Variants in SERPINF2 observed in about 807,000 individuals in gnomAD.
SERPINF2 encodes alpha-2-antiplasmin.
A neutral mutation model predicts 45.0 loss-of-function variants in SERPINF2; 15 were observed. The ratio of observed to expected loss-of-function variants is 0.33; its 90% CI spans 0.22 to 0.51. SERPINF2 has a LOEUF of 0.51. SERPINF2 is among the 20% of genes least tolerant of loss of function. The pLI is 0.97. For missense variants in SERPINF2, 518 were observed against 637.4 expected (o/e 0.81, Z 2.02); for synonymous variants, 283 against 277.9 (o/e 1.02, Z -0.18).
rs1422199541 is a variant in SERPINF2 at position 1,754,424 on chromosome 17, T to A, written c.1366T>A (p.Phe456Ile). 3 of 1,612,766 alleles carry A rather than the reference T, an allele frequency of 1.9e-6. No individual in the cohort carries two copies. The highest frequency in any genetic ancestry group is 2.7e-5 in the African/African-American group (2 of 74,910). The change falls in exon 10 of 10, where the codon TTC (phenylalanine) becomes ATC (isoleucine). Residue 456 changes from phenylalanine (F) to isoleucine (I), a missense_variant. Transcript: ENST00000453066. The stretch of plus-strand genomic sequence containing the variant: ...GCAGGATTCCCCGGGCAACAAGGAC[T>A]TCCTCCAGAGCCTGAAAGGCTTCCC... ...EQQDSPGNKD[F>I]LQSLKGFPRG...
intron 1 of SERPINF2, among the ~76,000 whole-genome samples, chr17:1,743,429 G>A (rs1415661715): frequency 6.6e-6 from 1 of 152,200 alleles, no homozygotes; most frequent in East Asian, 1.9e-4. Flanking sequence ...AGAAAGACGG[G>A]TTGGGGCCAG....
In SERPINF2 at chr17:1,747,418, G is replaced by C; in HGVS notation, c.621G>C (p.Trp207Cys). The change falls in exon 7 of 10, where the codon TGG becomes TGC. Residue 207 changes from tryptophan (W) to cysteine (C), a missense_variant. By Grantham distance (215) the Trp-to-Cys change is radical. Transcript: ENST00000453066. ...ATGACCTGGCAAACATCAACCAATG[G>C]GTGAAGGAGGCCACGGAGGGGAAGA... The part of the protein sequence containing the change: ...QEDDLANINQ[W>C]VKEATEGKIQ... 6.2e-7 allele frequency: 1 copy of C among 1,614,192 alleles called. No individual in the cohort carries two copies. The highest frequency in any genetic ancestry group is 1.1e-5 in the South Asian group (1 of 91,088).
Position 1,754,321 on chromosome 17 carries a change from G to C in SERPINF2, c.1263G>C (p.Glu421Asp), listed in dbSNP as rs1310159441. 2.5e-6 allele frequency: 4 copies of C among 1,614,188 alleles called. No individual in the cohort carries two copies. The highest frequency in any genetic ancestry group is 1.3e-5 in the African/African-American group (1 of 75,050). Residue 421 changes from glutamate to aspartate, a missense_variant, in exon 10 of 10, where the codon GAG becomes GAC. Physicochemically the swap from Glu to Asp is conservative, Grantham distance 45. This residue lies in a region of SERPINF2 where 435 missense variants were observed against 577.3 expected (regional missense o/e 0.75). Transcript: ENST00000453066. ...VNRPFLFFIF[E>D]DTTGLPLFVG... ...GCCCCTTCCTCTTCTTCATCTTCGAGGACACCACAGGCCTTCCCCTCTTCG... is the reference window on the plus strand; with the variant it reads ...GCCCCTTCCTCTTCTTCATCTTCGACGACACCACAGGCCTTCCCCTCTTCG...
At position 1,747,497 on chromosome 17, in the gene SERPINF2, G is replaced by A. The variant is rs138097660; in HGVS notation, c.700G>A (p.Ala234Thr). The A allele has an allele frequency of 1.1e-5, 18 of 1,613,828 alleles. No individual in the cohort carries two copies. In the African/African-American group the frequency reaches 1.7e-4, roughly 16 times the overall value. ...PEDTVLLLLN[A>T]IHFQGFWRNK... ...AGACACCGTGTTGCTTCTCCTCAAC[G>A]CCATCCACTTCCAGGGTGCGCTCCT... Residue 234 changes from alanine (A) to threonine (T), a missense_variant, in exon 7 of 10, where the codon GCC (alanine) becomes ACC (threonine). By Grantham distance (58) the Ala-to-Thr change is moderately conservative (BLOSUM62 0). Transcript: ENST00000453066.
Position 1,745,594 on chromosome 17 carries a change from C to A in SERPINF2, c.166-114C>A. On this transcript the variant is annotated intron_variant, in intron 4 of 9. Transcript: ENST00000453066. The surrounding 1 kb of genome is among the most constrained non-coding windows in gnomAD (Gnocchi z 6.2). The stretch of plus-strand genomic sequence containing the variant: ...CCCTCCGTCTGACGCTCCCTCTTCC[C>A]TGGGGCTGGGACAAGGCCCTGCTGT... 1 of 1,264,826 alleles carries A rather than the reference C, an allele frequency of 7.9e-7. No individual in the cohort carries two copies. The highest frequency in any genetic ancestry group is 1.1e-6 in the Non-Finnish European group (1 of 890,126). The allele number at this position is 1,264,826 out of a possible 1,614,324, so 78.4% of individuals were successfully genotyped here.
At chr17:1,754,024 G>T (rs890849068) in intron 9 of SERPINF2, 98 bp from the exon 10 acceptor site, 16 of 1,409,574 alleles carry the variant, frequency 1.1e-5, no homozygotes, top group Non-Finnish European at 1.4e-5. Flanking sequence ...GTGAGTTCAA[G>T]CTGTTCCCTG....
In SERPINF2 at chr17:1,745,530, G is replaced by A; in HGVS notation, c.165+135G>A. The A allele has an allele frequency of 8.1e-7, 1 of 1,230,424 alleles. No individual in the cohort carries two copies. Among genetic ancestry groups the A allele is most frequent in the South Asian group, 1.3e-5 (1 of 78,774 alleles). The allele number at this position is 1,230,424 out of a possible 1,614,324, so 76.2% of individuals were successfully genotyped here. On this transcript the variant is annotated intron_variant, in intron 4 of 9. Transcript: ENST00000453066. This position sits in a 1 kb window ranked among gnomAD's most constrained non-coding sequence, Gnocchi z 6.2. ...GAGGCCAGAAGGGAGAGAGGGTGGG[G>A]AGGACCGAAGGTGGGCGCCAGGCCC...
Position 1,747,141 on chromosome 17 carries a change from G to A in SERPINF2, c.490G>A (p.Ala164Thr), listed in dbSNP as rs748253959. The A allele has an allele frequency of 3.7e-6, 6 of 1,612,090 alleles. No individual in the cohort carries two copies. Among genetic ancestry groups the A allele is most frequent in the Non-Finnish European group, 4.2e-6 (5 of 1,179,970 alleles). The change falls in exon 6 of 10, where the codon GCC becomes ACC. Residue 164 changes from alanine to threonine, a missense_variant. Physicochemically the swap from Ala to Thr is moderately conservative, Grantham distance 58. This residue lies in a region of SERPINF2 where 435 missense variants were observed against 577.3 expected (regional missense o/e 0.75). Coordinates refer to ENST00000453066, the MANE Select transcript of SERPINF2 (RefSeq NM_000934.4). ...GGGCCCCGGCGCGTTCCGACTGGCT[G>A]CCAGGATGTACCTGCAGAAAGGTAG... is the stretch of plus-strand genomic sequence containing the variant. ...DLGPGAFRLAARMYLQKGFPI... is the reference protein window; with the variant it reads ...DLGPGAFRLATRMYLQKGFPI...
intron 8 of SERPINF2, among the ~76,000 whole-genome samples, chr17:1,749,111 G>A (rs975359714): frequency 3.3e-5 from 5 of 152,210 alleles, no homozygotes; most frequent in African/African-American, 7.2e-5. Context: ...GCTGGGAAGC[G>A]CTGTGGAGGG....
chr17:1,744,802 G>C, intron 1 of SERPINF2, 190 bp from the exon 2 acceptor site: 1 of 985,452 alleles, frequency 1.0e-6, no homozygotes, highest in Non-Finnish European at 1.2e-6. Flanking sequence ...GAGAAGCCAG[G>C]GCGGATGTCC....
chr17:1,745,762 C>T lies in SERPINF2; in HGVS notation c.220C>T (p.Pro74Ser), dbSNP rs774700863. The T allele has an allele frequency of 1.9e-6, 3 of 1,613,964 alleles. No homozygotes were observed. Among genetic ancestry groups the T allele is most frequent in the East Asian group, 2.2e-5 (1 of 44,876 alleles). Reference protein sequence around the residue: ...KSPPGVCSRDPTPEQTHRLAR... With the variant: ...KSPPGVCSRDSTPEQTHRLAR... ...TCCCCCAGGAGTCTGCAGCAGAGAC[C>T]CCACCCCAGAGCAGACCCACAGGCT... Residue 74 changes from proline (P) to serine (S), a missense_variant, in exon 5 of 10, where the codon CCC becomes TCC. This residue lies in a region of SERPINF2 where 435 missense variants were observed against 577.3 expected (regional missense o/e 0.75). Coordinates refer to ENST00000453066, the MANE Select transcript of SERPINF2 (RefSeq NM_000934.4). This position sits in a 1 kb window ranked among gnomAD's most constrained non-coding sequence, Gnocchi z 6.2.
At position 1,744,973 on chromosome 17, in the gene SERPINF2, C is replaced by T; in HGVS notation, c.-4-19C>T. Reference sequence around the variant, plus strand: ...GTGGGGATGTGAGATGGGAACAGAGCTTTCTGTCCCTGCCACAGGAACATG... The same window carrying T: ...GTGGGGATGTGAGATGGGAACAGAGTTTTCTGTCCCTGCCACAGGAACATG... On this transcript the variant is annotated intron_variant, in intron 1 of 9. Transcript: ENST00000453066. 1.2e-6 allele frequency: 2 copies of T among 1,613,448 alleles called. No homozygotes were observed. Among genetic ancestry groups the T allele is most frequent in the Middle Eastern group, 1.7e-4 (1 of 5,976 alleles).
In SERPINF2 at chr17:1,754,623, C is replaced by T. The variant is rs1284425631; in HGVS notation, c.*89C>T. 8 of 1,436,002 alleles carry T rather than the reference C, an allele frequency of 5.6e-6. No homozygotes were observed. The highest frequency in any genetic ancestry group is 1.5e-5 in the African/African-American group (1 of 67,288). The allele number at this position is 1,436,002 out of a possible 1,614,324, so 89.0% of individuals were successfully genotyped here. On this transcript the variant is annotated 3_prime_UTR_variant, in exon 10 of 10. Coordinates refer to ENST00000453066, the MANE Select transcript of SERPINF2 (RefSeq NM_000934.4). ...TCCAACCGGCTTTGTGGCACTGGGG[C>T]AGGGGCCGGGGGCAGTCTGAGAGAG... is the stretch of plus-strand genomic sequence containing the variant.
In SERPINF2 at chr17:1,754,006, A is replaced by G; in HGVS notation, c.1064-116A>G. The stretch of plus-strand genomic sequence containing the variant: ...CTTGGAAACCGGATAGGAATGAAGC[A>G]GGTATCTGTGAGTTCAAGCTGTTCC... On this transcript the variant is annotated intron_variant, in intron 9 of 9. Transcript: ENST00000453066. 3 of 1,167,324 alleles carry G rather than the reference A, an allele frequency of 2.6e-6. No homozygotes were observed. In the South Asian group the frequency reaches 3.8e-5, roughly 15 times the overall value. The allele number at this position is 1,167,324 out of a possible 1,614,324, so 72.3% of individuals were successfully genotyped here.
rs1451283731 is a variant in SERPINF2 at position 1,747,308 on chromosome 17, G to GGATTTCCCATCAAAGAA, written c.519_535dup (p.Leu179ProfsTer19). 1 of 1,613,858 alleles carries GGATTTCCCATCAAAGAA rather than the reference G, an allele frequency of 6.2e-7. No homozygotes were observed. The highest frequency in any genetic ancestry group is 2.2e-5 in the East Asian group (1 of 44,888). ...GAACAGCTTGTGCTGCCTCCGTGCA[G>GGATTTCCCATCAAAGAA]GATTTCCCATCAAAGAAGATTTCCT... On this transcript the variant is annotated frameshift_variant and splice_region_variant. Coordinates refer to ENST00000453066, the MANE Select transcript of SERPINF2 (RefSeq NM_000934.4). LOFTEE classifies it high-confidence loss of function.
At chr17:1,749,908 T>C (rs1174141889) in intron 8 of SERPINF2, among the ~76,000 whole-genome samples, 1 of 152,004 alleles carries the variant, frequency 6.6e-6, no homozygotes, top group Non-Finnish European at 1.5e-5. Context: ...CAGTGCTCCT[T>C]AGAAAGGAGG....
chr17:1,743,118 G>T (rs925274894), intron 1 of SERPINF2: 157 of 984,984 alleles, frequency 1.6e-4, no homozygotes, highest in Non-Finnish European at 1.8e-4. Context: ...GTGTGGGATG[G>T]GGGTGGGGCC....
intron 5 of SERPINF2, 150 bp downstream of exon 5, chr17:1,746,059 C>T (rs1905796478): frequency 2.3e-6 from 2 of 878,808 alleles, no homozygotes; most frequent in African/African-American, 3.3e-5. Context: ...GTGGCTCACG[C>T]CTGTAATCCC....
chr17:1,745,148 C>T lies in SERPINF2; in HGVS notation c.64-27C>T, dbSNP rs377325935. The T allele has an allele frequency of 6.3e-7, 1 of 1,582,974 alleles. No individual in the cohort carries two copies. The highest frequency in any genetic ancestry group is 1.3e-5 in the African/African-American group (1 of 74,202). ...AGGGAGGGCTTGGCTCCGAGGGGAC[C>T]TCCTATCCTCATCCCTTTCTCCACA... On this transcript the variant is annotated intron_variant, in intron 2 of 9. Transcript: ENST00000453066. The surrounding 1 kb of genome is among the most constrained non-coding windows in gnomAD (Gnocchi z 6.2).
Sources: gnomAD v4.1 joint callset for allele counts (sites outside exome capture counted in the v4.1 genomes callset) on GRCh38, gnomAD v4.1.1 for gene constraint, gnomAD v4.1.1 regional missense constraint, Gnocchi (gnomAD v3.1) non-coding constraint, MANE v1.5 for transcripts, NCBI Gene and HGNC (gene_info 2026-07-23, HGNC 2026-07-21) for gene names.